The following RCBTB1 variants were observed in gnomAD, a reference collection of about 807,000 sequenced individuals.
RCBTB1 encodes the protein RCC1 and BTB domain containing protein 1, also known as RCC1 and BTB domain-containing protein 1.
Under a neutral mutation model 62.4 loss-of-function variants are expected in RCBTB1, and 46 were observed. The observed-to-expected ratio is 0.74, with a 90% CI of 0.58 to 0.94. The LOEUF is 0.94. RCBTB1 is among the 40% of genes least tolerant of loss of function. RCBTB1 has a pLI of 0.00. For missense variants in RCBTB1, 565 were observed against 654.9 expected, an observed-to-expected ratio of 0.86 and a Z score of 1.50; for synonymous variants, 222 against 245.8, an observed-to-expected ratio of 0.90 and a Z score of 0.91.
At chr13:49,565,014 C>A (rs1003435961) in intron 4 of RCBTB1, among the ~76,000 whole-genome samples, 2 of 152,158 alleles carry the variant, frequency 1.3e-5, no homozygotes, top group Non-Finnish European at 2.9e-5. Flanking sequence ...CGCTCCCATT[C>A]CCACTCCCGC....
chr13:49,560,010 G>A lies in RCBTB1; in HGVS notation c.352C>T (p.Pro118Ser), dbSNP rs17853794. The A allele has an allele frequency of 4.3e-6, 7 of 1,614,066 alleles. No individual in the cohort carries two copies. The African/African-American group carries it at 5.3e-5, about 12-fold the overall frequency. ...AAGAGATTGGTACAGACCTGGACGG[G>A]AGCAATGCCTTGGTTGGTCGTCCCA... ...GNGTTNQGIAPVQVCTNLLIK... is the reference protein window; with the variant it reads ...GNGTTNQGIASVQVCTNLLIK... The change falls in exon 5 of 13, where the codon CCC becomes TCC. Residue 118 changes from proline to serine, a missense_variant. Pro to Ser is a moderately conservative substitution (Grantham distance 74). Transcript: ENST00000378302.
At chr13:49,559,868 T>A in intron 5 of RCBTB1, 50 bp downstream of exon 5, 1 of 1,547,394 alleles carries the variant, frequency 6.5e-7, no homozygotes, top group East Asian at 2.2e-5. Flanking sequence ...TTAAGTGTAT[T>A]TACTATGATG....
Position 49,540,888 on chromosome 13 carries a change from T to C in RCBTB1, c.1443A>G (p.Arg481=). 1.9e-6 allele frequency: 3 copies of C among 1,613,836 alleles called. No individual in the cohort carries two copies. Among genetic ancestry groups the C allele is most frequent in the Non-Finnish European group, 2.5e-6 (3 of 1,179,938 alleles). ...NAFSLFSAAV[R]YDAEDLEEFC... is the part of the protein sequence containing the mutation. ...TTGTTTAAGTTACCTCTGCATCATA[T>C]CTGACTGCAGCAGAGAATAGCGAAA... The change falls in exon 12 of 13, where the codon AGA becomes AGG. Residue 481 remains arginine, a synonymous_variant. Coordinates refer to ENST00000378302, the MANE Select transcript of RCBTB1 (RefSeq NM_018191.4).
In RCBTB1 at chr13:49,574,697, AAAC is replaced by A. The variant is rs77546321; in HGVS notation, c.-42+5805_-42+5807del. Among the ~76,000 whole-genome samples, 390 of 105,476 alleles carry A rather than the reference AAAC, an allele frequency of 3.7e-3. 2 individuals are homozygous for A. The highest frequency in any genetic ancestry group is 9.5e-3 in the Middle Eastern group (2 of 210). 69.2% of individuals were successfully genotyped at this position (105,476 alleles called of 152,430 possible). Reference sequence around the variant, plus strand: ...ATGGTGATTCCTTAAAAAAAAAAAAAAACATTAGAATTATATTATCTAGATAAA... The same window carrying A: ...ATGGTGATTCCTTAAAAAAAAAAAAAATTAGAATTATATTATCTAGATAAA... On this transcript the variant is annotated intron_variant, in intron 2 of 12. Coordinates refer to ENST00000378302, the MANE Select transcript of RCBTB1 (RefSeq NM_018191.4).
chr13:49,575,174 C>A (rs1963689454), intron 2 of RCBTB1, among the ~76,000 whole-genome samples: 1 of 152,090 alleles, frequency 6.6e-6, no homozygotes, highest in Non-Finnish European at 1.5e-5. Flanking sequence ...CACTAATCAT[C>A]AGAGAAATCC....
intron 8 of RCBTB1, chr13:49,550,018 C>G (rs1410731360): frequency 1.6e-6 from 1 of 627,080 alleles, no homozygotes; most frequent in Non-Finnish European, 2.0e-6. Context: ...GAGACAGGAT[C>G]TCACTCCGTC....
At chr13:49,544,021 T>C (rs1197994450) in intron 10 of RCBTB1, among the ~76,000 whole-genome samples, 3 of 152,228 alleles carry the variant, frequency 2.0e-5, no homozygotes, top group Non-Finnish European at 2.9e-5. Context: ...GCATGTCCCT[T>C]AGAAACAGAA....
intron 9 of RCBTB1, 112 bp downstream of exon 9, chr13:49,549,346 C>T (rs1212907929): frequency 1.0e-6 from 1 of 984,450 alleles, no homozygotes; most frequent in Non-Finnish European, 1.5e-6. Context: ...CGTATGAAAG[C>T]TAATAGAGAA....
At chr13:49,572,430 A>G (rs1566267163) in intron 2 of RCBTB1, among the ~76,000 whole-genome samples, 1 of 152,208 alleles carries the variant, frequency 6.6e-6, no homozygotes, top group Non-Finnish European at 1.5e-5. Context: ...ACATGAAAGA[A>G]AAGTATTAAC....
intron 11 of RCBTB1, 79 bp from the exon 12 acceptor site, chr13:49,541,085 AGGTGTACAG>A: frequency 8.0e-7 from 1 of 1,244,644 alleles, no homozygotes; most frequent in Non-Finnish European, 1.1e-6. Flanking sequence ...TGGTGAACAG[AGGTGTACAG>A]GTAAATTAGA....
At chr13:49,552,697 C>T (rs1036106247) in intron 6 of RCBTB1, among the ~76,000 whole-genome samples, 3 of 152,106 alleles carry the variant, frequency 2.0e-5, no homozygotes, top group African/African-American at 7.2e-5. Context: ...CGCTGCAGAA[C>T]AGCAAGGAGG....
chr13:49,564,449 G>A (rs1052097312), intron 4 of RCBTB1, among the ~76,000 whole-genome samples: 3 of 151,702 alleles, frequency 2.0e-5, no homozygotes, highest in African/African-American at 4.9e-5. Context: ...GCCGGGGCGT[G>A]GTGGCACGCG....
intron 10 of RCBTB1, 32 bp downstream of exon 10, chr13:49,544,705 T>C: frequency 6.4e-7 from 1 of 1,571,062 alleles, no homozygotes. Flanking sequence ...AAAAGTCAAG[T>C]TATTGATGTC....
intron 2 of RCBTB1, among the ~76,000 whole-genome samples, chr13:49,572,646 T>C (rs529642625): frequency 6.6e-6 from 1 of 151,834 alleles, no homozygotes; most frequent in East Asian, 2.0e-4. Flanking sequence ...CCACTAAAAA[T>C]ACAAAAATTA....
chr13:49,557,355 AAGGAAATGGAG>A lies in RCBTB1; in HGVS notation c.445-1693_445-1683del, dbSNP rs768404310. On this transcript the variant is annotated intron_variant, in intron 5 of 12. Coordinates refer to ENST00000378302, the MANE Select transcript of RCBTB1 (RefSeq NM_018191.4). ...AACAAAATGGAGGAACAAAAAGGCAAAGGAAATGGAGAGGAAATGGAGATGGTACAAAAGAT... is the reference window on the plus strand; with the variant it reads ...AACAAAATGGAGGAACAAAAAGGCAAAGGAAATGGAGATGGTACAAAAGAT... Among the ~76,000 whole-genome samples, 9 of 152,276 alleles carry A rather than the reference AAGGAAATGGAG, an allele frequency of 5.9e-5. No individual in the cohort carries two copies. The East Asian group carries it at 7.7e-4, about 13-fold the overall frequency.
intron 1 of RCBTB1, among the ~76,000 whole-genome samples, chr13:49,583,776 G>A (rs567999268): frequency 6.6e-6 from 1 of 152,134 alleles, no homozygotes; most frequent in Non-Finnish European, 1.5e-5. Flanking sequence ...TTGAACTCCT[G>A]GCCTCGTGTA....
chr13:49,569,105 C>G (rs1963223784), intron 2 of RCBTB1, among the ~76,000 whole-genome samples: 1 of 152,124 alleles, frequency 6.6e-6, no homozygotes, highest in South Asian at 2.1e-4. Context: ...GATCTGCACC[C>G]AGGCAACCTG....
chr13:49,556,288 C>T (rs1475915146), intron 5 of RCBTB1, among the ~76,000 whole-genome samples: 1 of 151,732 alleles, frequency 6.6e-6, no homozygotes. Context: ...GCCCCGCCTC[C>T]CGGGTTCATG....
At chr13:49,570,140 A>AT (rs1963302018) in intron 2 of RCBTB1, among the ~76,000 whole-genome samples, 1 of 152,238 alleles carries the variant, frequency 6.6e-6, no homozygotes, top group South Asian at 2.1e-4. Context: ...AGCCAAAAAT[A>AT]TGACTCACCA....
Sources: gnomAD v4.1 joint callset for allele counts (sites outside exome capture counted in the v4.1 genomes callset) on GRCh38, gnomAD v4.1.1 for gene constraint, MANE v1.5 for transcripts, NCBI Gene and HGNC (gene_info 2026-07-23, HGNC 2026-07-21) for gene names.